The following CDCA7 variants were observed in gnomAD, a reference collection of about 807,000 sequenced individuals.
The protein encoded by CDCA7 is cell division cycle associated 7.
Under a neutral mutation model 54.0 loss-of-function variants are expected in CDCA7, and 28 were observed. The observed-to-expected ratio is 0.52, with a 90% CI of 0.38 to 0.71. The LOEUF (loss-of-function observed/expected upper bound fraction) is 0.71, where lower values mean the gene tolerates loss of function less well. Ranked by LOEUF, CDCA7 falls within the 30% of genes least tolerant of loss-of-function variation. CDCA7 has a pLI of 0.00. For synonymous variants in CDCA7, 180 were observed against 208.2 expected (o/e 0.86, Z 1.16); for missense variants, 484 against 586.0 (o/e 0.83, Z 1.80).
rs1558951075 is a variant in CDCA7 at position 173,366,241 on chromosome 2, C to T, written c.1036-42C>T. ...ATATGCCATTTCCTCTGTTGAAAAA[C>T]AGTGGTTTTTTTTGTTTTTTTTCTT... On this transcript the variant is annotated intron_variant, in intron 7 of 9. Coordinates refer to ENST00000306721, the MANE Select transcript of CDCA7 (RefSeq NM_031942.5). This position sits in a 1 kb window ranked among gnomAD's most constrained non-coding sequence, Gnocchi z 4.5. 1 of 1,538,730 alleles carries T rather than the reference C, an allele frequency of 6.5e-7. No individual in the cohort carries two copies. The highest frequency in any genetic ancestry group is 8.7e-7 in the Non-Finnish European group (1 of 1,149,452).
intron 3 of CDCA7, 125 bp from the exon 4 acceptor site, chr2:173,363,101 C>A: frequency 1.1e-6 from 1 of 907,094 alleles, no homozygotes; most frequent in South Asian, 1.5e-5. Flanking sequence ...ATTTTGTTAC[C>A]CAGAGGTATC....
intron 1 of CDCA7, among the ~76,000 whole-genome samples, chr2:173,355,435 G>C (rs115411413): frequency 0.018 from 2,724 of 152,338 alleles, 80 homozygotes; most frequent in African/African-American, 0.061. Flanking sequence ...CGCTCAGTGG[G>C]TGGCCCTTGG....
intron 4 of CDCA7, 88 bp downstream of exon 4, chr2:173,363,550 T>C (rs935697264): frequency 7.7e-7 from 1 of 1,291,420 alleles, no homozygotes; most frequent in Non-Finnish European, 1.1e-6. Flanking sequence ...AAGTTATTTT[T>C]TTCTGTTACA....
Position 173,366,536 on chromosome 2 carries a change from T to A in CDCA7, c.1185+104T>A. Reference sequence around the variant, plus strand: ...TGAAGGGGTGGAGCCCTTTCTGTTATGGGGTGCTCTTCTTTTTTTTTAAGA... The same window carrying A: ...TGAAGGGGTGGAGCCCTTTCTGTTAAGGGGTGCTCTTCTTTTTTTTTAAGA... On this transcript the variant is annotated intron_variant, in intron 8 of 9. Coordinates refer to ENST00000306721, the MANE Select transcript of CDCA7 (RefSeq NM_031942.5). This position sits in a 1 kb window ranked among gnomAD's most constrained non-coding sequence, Gnocchi z 4.5. The A allele has an allele frequency of 1.4e-6, 2 of 1,441,578 alleles. No homozygotes were observed. Among genetic ancestry groups the A allele is most frequent in the Non-Finnish European group, 1.9e-6 (2 of 1,068,368 alleles). The allele number at this position is 1,441,578 out of a possible 1,614,324, so 89.3% of individuals were successfully genotyped here.
At position 173,367,606 on chromosome 2, in the gene CDCA7, C is replaced by T. The variant is rs745641921; in HGVS notation, c.1323-28C>T. ...GAATTCTTTGGTTGAAAACTATGTC[C>T]TGACACATTTCCTTTTGTTTTTCAC... On this transcript the variant is annotated intron_variant, in intron 9 of 9. Coordinates refer to ENST00000306721, the MANE Select transcript of CDCA7 (RefSeq NM_031942.5). 1.9e-6 allele frequency: 3 copies of T among 1,613,580 alleles called. No individual in the cohort carries two copies. The South Asian group carries it at 3.3e-5, about 18-fold the overall frequency.
intron 2 of CDCA7, 113 bp downstream of exon 2, chr2:173,358,950 T>G: frequency 1.5e-6 from 2 of 1,362,030 alleles, no homozygotes; most frequent in Non-Finnish European, 2.0e-6. Context: ...ATACAGCCGT[T>G]ATGAAAATAC....
In CDCA7 at chr2:173,366,455, T is replaced by A. The variant is rs750819769; in HGVS notation, c.1185+23T>A. Reference sequence around the variant, plus strand: ...CCGGTAGGTGCCTGCCAGGGGTTGGTCCTGTGGGCTTGAAGGTCAGCCACA... The same window carrying A: ...CCGGTAGGTGCCTGCCAGGGGTTGGACCTGTGGGCTTGAAGGTCAGCCACA... On this transcript the variant is annotated intron_variant, in intron 8 of 9. Coordinates refer to ENST00000306721, the MANE Select transcript of CDCA7 (RefSeq NM_031942.5). The surrounding 1 kb of genome is among the most constrained non-coding windows in gnomAD (Gnocchi z 4.5). The A allele has an allele frequency of 5.6e-6, 9 of 1,611,128 alleles. No homozygotes were observed. In the South Asian group the frequency reaches 8.8e-5, roughly 16 times the overall value.
chr2:173,358,569 A>T, intron 1 of CDCA7, 143 bp from the exon 2 acceptor site: 1 of 887,270 alleles, frequency 1.1e-6, no homozygotes, highest in Non-Finnish European at 1.6e-6. Context: ...GTAGCAGTTA[A>T]CAAACTTCCT....
chr2:173,365,707 A>G (rs1269904263), intron 7 of CDCA7, 115 bp downstream of exon 7: 5 of 1,199,968 alleles, frequency 4.2e-6, no homozygotes, highest in Non-Finnish European at 5.6e-6. Flanking sequence ...CTGTACCTAT[A>G]TGTTTTTTTC....
chr2:173,358,692 A>G lies in CDCA7; in HGVS notation c.22-20A>G. The G allele has an allele frequency of 6.2e-7, 1 of 1,610,550 alleles. No homozygotes were observed. The highest frequency in any genetic ancestry group is 8.5e-7 in the Non-Finnish European group (1 of 1,178,378). ...TAAAGTAAGCATCACGCTTAATAGG[A>G]TTGCTATTTCCATTTGCAGCAGAAA... is the stretch of plus-strand genomic sequence containing the variant. On this transcript the variant is annotated intron_variant, in intron 1 of 9. Transcript: ENST00000306721.
Position 173,354,991 on chromosome 2 carries a change from G to A in CDCA7, c.21+7G>A. On this transcript the variant is annotated splice_region_variant and intron_variant, in intron 1 of 9. Transcript: ENST00000306721. ...GGACGCTCGCCGCGTGCCGGTGAGG[G>A]CTGGGCGGGCGAACCCGAGGGGCGG... 4 of 1,397,784 alleles carry A rather than the reference G, an allele frequency of 2.9e-6. No individual in the cohort carries two copies. Among genetic ancestry groups the A allele is most frequent in the Non-Finnish European group, 1.8e-6 (2 of 1,085,544 alleles). The allele number at this position is 1,397,784 out of a possible 1,614,324, so 86.6% of individuals were successfully genotyped here. A position where few individuals can be genotyped will look rare whatever the true frequency, so the allele number is the denominator to read the frequency against.
In CDCA7 at chr2:173,354,984, G is replaced by T; in HGVS notation, c.21G>T (p.Pro7=). ...CCAGCATGGACGCTCGCCGCGTGCCGGTGAGGGCTGGGCGGGCGAACCCGA... is the reference window on the plus strand; with the variant it reads ...CCAGCATGGACGCTCGCCGCGTGCCTGTGAGGGCTGGGCGGGCGAACCCGA... MDARRV[P]QKDLRVKKNL... is the part of the protein sequence containing the mutation. Residue 7 remains proline (P), a splice_region_variant and synonymous_variant, in exon 1 of 10, where the codon CCG becomes CCT. Transcript: ENST00000306721. The T allele has an allele frequency of 7.0e-7, 1 of 1,428,164 alleles. No individual in the cohort carries two copies. The highest frequency in any genetic ancestry group is 1.5e-5 in the South Asian group (1 of 67,936). The allele number at this position is 1,428,164 out of a possible 1,614,324, so 88.5% of individuals were successfully genotyped here. A position where few individuals can be genotyped will look rare whatever the true frequency, so the allele number is the denominator to read the frequency against.
chr2:173,359,430 A>G lies in CDCA7; in HGVS notation c.323A>G (p.His108Arg), dbSNP rs776361359. ...ACTAACGAACTGGCCGGTATTTTTC[A>G]TGCCGACTCTGACGATGAATCATTT... is the stretch of plus-strand genomic sequence containing the variant. ...DVTNELAGIF[H>R]ADSDDESFCG... Residue 108 changes from histidine to arginine, a missense_variant, in exon 3 of 10, where the codon CAT (histidine) becomes CGT (arginine). By Grantham distance (29) the His-to-Arg change is conservative. This residue lies in a region of CDCA7 where 398 missense variants were observed against 447.4 expected (regional missense o/e 0.89). Transcript: ENST00000306721. The G allele has an allele frequency of 6.2e-7, 1 of 1,614,224 alleles. No individual in the cohort carries two copies. Among genetic ancestry groups the G allele is most frequent in the South Asian group, 1.1e-5 (1 of 91,090 alleles).
Position 173,368,681 on chromosome 2 carries a change from T to C in CDCA7, c.*1017T>C, listed in dbSNP as rs927298218. The C allele has an allele frequency of 6.6e-5, 10 of 152,172 alleles. No homozygotes were observed. The highest frequency in any genetic ancestry group is 2.4e-4 in the African/African-American group (10 of 41,432). 9.4% of individuals were successfully genotyped at this position (152,172 alleles called of 1,614,324 possible). A position where few individuals can be genotyped will look rare whatever the true frequency, so the allele number is the denominator to read the frequency against. ...TCTGCCAGTCTAGTTTCTGGGCAGG[T>C]TTCCTGTGTCAGTATTCCCCCTCCT... On this transcript the variant is annotated 3_prime_UTR_variant, in exon 10 of 10. Coordinates refer to ENST00000306721, the MANE Select transcript of CDCA7 (RefSeq NM_031942.5).
chr2:173,363,763 A>G, intron 4 of CDCA7, 55 bp from the exon 5 acceptor site: 1 of 1,553,736 alleles, frequency 6.4e-7, no homozygotes, highest in East Asian at 2.2e-5. Context: ...TTAGTTGCTC[A>G]TTTTCGACAG....
At chr2:173,355,203 C>T (rs1043275094) in intron 1 of CDCA7, among the ~76,000 whole-genome samples, 9 of 152,196 alleles carry the variant, frequency 5.9e-5, no homozygotes, top group Non-Finnish European at 1.5e-5. Flanking sequence ...GTGCGGGCGG[C>T]GTGGAGACTT....
chr2:173,357,720 ATTT>A (rs879546641), intron 1 of CDCA7, among the ~76,000 whole-genome samples: 5 of 152,126 alleles, frequency 3.3e-5, no homozygotes, highest in South Asian at 2.1e-4. Flanking sequence ...GTACAGTTTA[ATTT>A]TTTTAAAAAA....
intron 7 of CDCA7, 98 bp downstream of exon 7, chr2:173,365,690 G>A (rs1686706987): frequency 1.9e-5 from 25 of 1,332,632 alleles, no homozygotes; most frequent in Non-Finnish European, 2.3e-5. Flanking sequence ...GGCCTAGCAT[G>A]TGAAATCTGT....
In CDCA7 at chr2:173,365,540, A is replaced by G. The variant is rs1210847487; in HGVS notation, c.983A>G (p.Glu328Gly). Residue 328 changes from glutamate to glycine, a missense_variant, in exon 7 of 10, where the codon GAG becomes GGG. Transcript: ENST00000306721. ...IRPVEEITEEELENVCSNSRE... is the reference protein window; with the variant it reads ...IRPVEEITEEGLENVCSNSRE... ...CCAGTGGAAGAAATTACAGAGGAGG[A>G]GTTGGAGAACGTCTGCAGCAATTCT... 1.2e-6 allele frequency: 2 copies of G among 1,614,070 alleles called. No individual in the cohort carries two copies. Among genetic ancestry groups the G allele is most frequent in the African/African-American group, 2.7e-5 (2 of 74,920 alleles).
Sources: gnomAD v4.1 joint callset for allele counts (sites outside exome capture counted in the v4.1 genomes callset) on GRCh38, gnomAD v4.1.1 for gene constraint, gnomAD v4.1.1 regional missense constraint, Gnocchi (gnomAD v3.1) non-coding constraint, MANE v1.5 for transcripts, NCBI Gene and HGNC (gene_info 2026-07-23, HGNC 2026-07-21) for gene names.